The following SMC1A variants were observed in gnomAD, a reference collection of about 807,000 sequenced individuals.
The protein encoded by SMC1A is structural maintenance of chromosomes 1A.
Under a neutral mutation model 94.5 loss-of-function variants are expected in SMC1A, and 4 were observed. The ratio of observed to expected loss-of-function variants is 0.04; its 90% confidence interval spans 0.02 to 0.10. The LOEUF (loss-of-function observed/expected upper bound fraction) is 0.10. Among genes scored for constraint, SMC1A ranks in the 10% least tolerant of loss-of-function variants. The pLI is 1.00. For synonymous variants in SMC1A, 345 were observed against 347.7 expected, an observed-to-expected ratio of 0.99 and a Z score of 0.09; for missense variants, 304 against 989.0, an observed-to-expected ratio of 0.31 and a Z score of 9.29.
intron 15 of SMC1A, among the ~76,000 whole-genome samples, chrX:53,402,885 A>AAAAAAAAAG (rs1447321369): frequency 1.7e-4 from 15 of 86,961 alleles, no homozygotes; most frequent in African/African-American, 6.8e-4. Flanking sequence ...AAAAAAAAAA[A>AAAAAAAAAG]GGGCCGGCAA....
Position 53,377,700 on chromosome X carries a change from G to A in SMC1A, c.*2403C>T, listed in dbSNP as rs1488374448. ...GAGAACAGCAAAGGTGACCTTTAAA[G>A]GGCTGTGAATGATCTAGATGCCAGC... On this transcript the variant is annotated 3_prime_UTR_variant, in exon 25 of 25. Transcript: ENST00000322213. 1 of 110,862 alleles carries A rather than the reference G, an allele frequency of 9.0e-6. No individual in the cohort carries two copies. The highest frequency in any genetic ancestry group is 1.9e-5 in the Non-Finnish European group (1 of 53,006). The allele number at this position is 110,862 out of a possible 1,213,427, so 9.1% of individuals were successfully genotyped here.
At chrX:53,415,242 A>G in intron 1 of SMC1A, 73 bp from the exon 2 acceptor site, 1 of 901,114 alleles carries the variant, frequency 1.1e-6, no homozygotes, top group Non-Finnish European at 1.6e-6. Context: ...AAAGATATTG[A>G]GATGAACAAA....
intron 19 of SMC1A, among the ~76,000 whole-genome samples, chrX:53,391,017 A>G (rs1569353905): frequency 3.9e-5 from 4 of 103,683 alleles, no homozygotes; most frequent in East Asian, 3.0e-4. Context: ...AAAAAAAAAA[A>G]AAGAAGAAAA....
intron 9 of SMC1A, among the ~76,000 whole-genome samples, chrX:53,406,310 T>C (rs782268359): frequency 9.0e-5 from 10 of 111,601 alleles, no homozygotes; most frequent in East Asian, 8.5e-4. Context: ...GAGGAGGCAA[T>C]TGCAGACTAG....
At chrX:53,389,394 T>C (rs944009742) in intron 19 of SMC1A, among the ~76,000 whole-genome samples, 27 of 110,802 alleles carry the variant, frequency 2.4e-4, no homozygotes, top group African/African-American at 8.9e-4. Flanking sequence ...AGCTGTAGAG[T>C]GTGTGTTTGC....
At chrX:53,419,651 C>G (rs1257874064) in intron 1 of SMC1A, among the ~76,000 whole-genome samples, 1 of 108,943 alleles carries the variant, frequency 9.2e-6, no homozygotes, top group East Asian at 2.9e-4. Flanking sequence ...TGGTGAAACC[C>G]CGTCTCTACT....
At chrX:53,401,260 A>G (rs957679802) in intron 15 of SMC1A, among the ~76,000 whole-genome samples, 10 of 111,559 alleles carry the variant, frequency 9.0e-5, no homozygotes, top group Non-Finnish European at 1.9e-4. Context: ...CCCACAGTTC[A>G]TAACACACTT....
At chrX:53,401,948 A>G (rs371075672) in intron 15 of SMC1A, among the ~76,000 whole-genome samples, 6 of 107,471 alleles carry the variant, frequency 5.6e-5, no homozygotes, top group African/African-American at 2.0e-4. Flanking sequence ...ATTGGGTATC[A>G]TAAGTACTTA....
intron 9 of SMC1A, among the ~76,000 whole-genome samples, chrX:53,407,839 A>G (rs150199059): frequency 0.015 from 1,635 of 111,215 alleles, 35 homozygotes; most frequent in African/African-American, 0.051. Context: ...GTTTTTTCCT[A>G]TCTCACAGAA....
intron 15 of SMC1A, among the ~76,000 whole-genome samples, chrX:53,402,875 A>AAAAAAAAAAAAAAAAAAAAAC: frequency 1.2e-5 from 1 of 85,606 alleles, no homozygotes; most frequent in African/African-American, 4.6e-5. Context: ...TCTCAAAAAA[A>AAAAAAAAAAAAAAAAAAAAAC]AAAAAAAAAA....
At position 53,375,958 on chromosome X, in the gene SMC1A, C is replaced by T. The variant is rs782600935; in HGVS notation, c.*4145G>A. The T allele has an allele frequency of 9.8e-5, 11 of 112,520 alleles. No individual in the cohort carries two copies. The highest frequency in any genetic ancestry group is 3.7e-4 in the South Asian group (1 of 2,689). 9.3% of individuals were successfully genotyped at this position (112,520 alleles called of 1,213,427 possible). A position where few individuals can be genotyped will look rare whatever the true frequency, so the allele number is the denominator to read the frequency against. On this transcript the variant is annotated 3_prime_UTR_variant, in exon 25 of 25. Transcript: ENST00000322213. Reference sequence around the variant, plus strand: ...CCTAGCTAATCTTGTCATCTCCATTCGCTCTCTCACAAATGGATTCACTCA... The same window carrying T: ...CCTAGCTAATCTTGTCATCTCCATTTGCTCTCTCACAAATGGATTCACTCA...
rs1602405567 is a variant in SMC1A, at chrX:53,396,261, G to A, written c.2828C>T (p.Ser943Leu). The change falls in exon 18 of 25, where the codon TCA becomes TTA. Residue 943 changes from serine to leucine, a missense_variant. Ser to Leu is a moderately radical substitution (Grantham distance 145). Around this residue, in one of 11 missense-constraint regions of SMC1A, gnomAD observed 35 missense variants for 95.4 expected, o/e 0.37. Coordinates refer to ENST00000322213, the MANE Select transcript of SMC1A (RefSeq NM_006306.4). ...ACTAATATCATCCATGGTGCCTTTT[G>A]ACAGTGGCAACTTAATGTCCTGCAT... is the stretch of plus-strand genomic sequence containing the variant. The part of the protein sequence containing the change: ...CKMQDIKLPL[S>L]KGTMDDISQE... The A allele has an allele frequency of 8.3e-7, 1 of 1,211,080 alleles. No homozygotes were observed. Among genetic ancestry groups the A allele is most frequent in the Non-Finnish European group, 1.1e-6 (1 of 895,207 alleles).
At chrX:53,395,712 CTT>C (rs2075648216) in intron 18 of SMC1A, among the ~76,000 whole-genome samples, 1 of 111,706 alleles carries the variant, frequency 9.0e-6, no homozygotes, top group Non-Finnish European at 1.9e-5. Context: ...CACTGCTCCT[CTT>C]TGGCTAGTAT....
chrX:53,410,243 C>T (rs921569041), intron 7 of SMC1A, among the ~76,000 whole-genome samples: 9 of 111,440 alleles, frequency 8.1e-5, no homozygotes, highest in African/African-American at 2.9e-4. Flanking sequence ...GCCTGTAATC[C>T]CAACACTTTG....
At chrX:53,421,869 GA>G in intron 1 of SMC1A, 1 of 1,091,085 alleles carries the variant, frequency 9.2e-7, no homozygotes, top group Admixed American at 2.5e-5. Context: ...TCGGTGGTAG[GA>G]AAAGGGCGAG....
chrX:53,404,274 T>A lies in SMC1A; in HGVS notation c.2197-381A>T, dbSNP rs1447353507. On this transcript the variant is annotated intron_variant, in intron 13 of 24. Transcript: ENST00000322213. The stretch of plus-strand genomic sequence containing the variant: ...CCTCTAGGGCGGTCTGGGGAAGTAG[T>A]CAGTAAAAAAAACAAAACACATTAA... Among the ~76,000 whole-genome samples, 3 of 110,055 alleles carry A rather than the reference T, an allele frequency of 2.7e-5. No homozygotes were observed. In the East Asian group the frequency reaches 8.5e-4, roughly 31 times the overall value.
chrX:53,390,943 G>A (rs782191399), intron 19 of SMC1A, among the ~76,000 whole-genome samples: 41 of 73,068 alleles, frequency 5.6e-4, no homozygotes, highest in Non-Finnish European at 8.3e-4. Context: ...AGTGAGCTGA[G>A]ATCACGCCAC....
intron 1 of SMC1A, among the ~76,000 whole-genome samples, chrX:53,419,823 C>CAAAAA (rs782629535): frequency 1.4e-5 from 1 of 70,195 alleles, no homozygotes; most frequent in African/African-American, 5.0e-5. Context: ...GACTTCATCT[C>CAAAAA]AAAAAAAAAA....
chrX:53,409,903 T>A (rs1291105990), intron 7 of SMC1A, among the ~76,000 whole-genome samples: 19 of 112,416 alleles, frequency 1.7e-4, no homozygotes, highest in Non-Finnish European at 1.1e-4. Context: ...GACTATCACA[T>A]TATTTTTAAA....
Sources: gnomAD v4.1 joint callset for allele counts (sites outside exome capture counted in the v4.1 genomes callset) on GRCh38, gnomAD v4.1.1 for gene constraint, gnomAD v4.1.1 regional missense constraint, MANE v1.5 for transcripts, NCBI Gene and HGNC (gene_info 2026-07-23, HGNC 2026-07-21) for gene names.